ATP10A: variants seen among roughly 807,000 people sequenced by gnomAD.
The protein encoded by ATP10A is phospholipid-transporting ATPase VA.
In ATP10A, 111 loss-of-function variants were observed where a neutral mutation model predicts 147.8. That is an observed-to-expected ratio of 0.75 (90% confidence interval 0.64 to 0.88). The LOEUF is 0.88. Among genes scored for constraint, ATP10A ranks in the 40% least tolerant of loss-of-function variants. The pLI is 0.00. For missense variants in ATP10A, 1,927 were observed against 1,959.0 expected (o/e 0.98, Z 0.31); for synonymous variants, 875 against 841.6 (o/e 1.04, Z -0.69).
At chr15:25,813,738 T>C (rs1162933811) in intron 1 of ATP10A, among the ~76,000 whole-genome samples, 1 of 152,100 alleles carries the variant, frequency 6.6e-6, no homozygotes, top group Non-Finnish European at 1.5e-5. Context: ...AACTACAATG[T>C]CTCAGATGAA....
At chr15:25,727,994 C>T (rs923037706) in intron 3 of ATP10A, among the ~76,000 whole-genome samples, 8 of 152,152 alleles carry the variant, frequency 5.3e-5, no homozygotes, top group African/African-American at 7.2e-5. Context: ...GCCTCATAAC[C>T]GGAACTGTAG....
At chr15:25,826,611 A>G (rs1374377226) in intron 1 of ATP10A, among the ~76,000 whole-genome samples, 1 of 152,168 alleles carries the variant, frequency 6.6e-6, no homozygotes, top group East Asian at 1.9e-4. Flanking sequence ...CCTGGCCAAC[A>G]TGGTAAAACC....
In ATP10A at chr15:25,683,288, C is replaced by T. The variant is rs1445184868; in HGVS notation, c.3490G>A (p.Glu1164Lys). 6.2e-7 allele frequency: 1 copy of T among 1,613,420 alleles called. No individual in the cohort carries two copies. The highest frequency in any genetic ancestry group is 8.5e-7 in the Non-Finnish European group (1 of 1,179,968). The change falls in exon 17 of 21, where the codon GAG (glutamate) becomes AAG (lysine). Residue 1164 changes from glutamate (E) to lysine (K), a missense_variant and splice_region_variant. Physicochemically the swap from Glu to Lys is moderately conservative, Grantham distance 56. Transcript: ENST00000555815. Reference protein sequence around the residue: ...PQLYKSGQNMEEYRPRTFWFN... With the variant: ...PQLYKSGQNMKEYRPRTFWFN... ...GCGGAGACTCGGGGGAGCTTTACCT[C>T]CATGTTCTGGCCACTCTTGTAGAGC...
At chr15:25,804,216 G>C (rs1023095431) in intron 1 of ATP10A, among the ~76,000 whole-genome samples, 6 of 151,800 alleles carry the variant, frequency 4.0e-5, no homozygotes, top group African/African-American at 1.5e-4. Context: ...GTGTGCATCT[G>C]TGTGTGTGTC....
intron 1 of ATP10A, among the ~76,000 whole-genome samples, chr15:25,852,250 C>T (rs1379526214): frequency 2.6e-5 from 4 of 151,998 alleles, no homozygotes; most frequent in Non-Finnish European, 4.4e-5. Flanking sequence ...CATCCTCCCT[C>T]CTATTGAATG....
chr15:25,780,975 G>C, intron 2 of ATP10A, 44 bp downstream of exon 2: 1 of 1,593,372 alleles, frequency 6.3e-7, no homozygotes, highest in Middle Eastern at 2.2e-4. Context: ...GGGACACTGT[G>C]TGGCTGTAAT....
intron 1 of ATP10A, among the ~76,000 whole-genome samples, chr15:25,809,243 A>G (rs1352927046): frequency 6.6e-6 from 1 of 152,042 alleles, no homozygotes; most frequent in Admixed American, 6.5e-5. Context: ...GCCCTGCAGG[A>G]TGTCACATGA....
At chr15:25,859,182 T>C (rs1398402841) in intron 1 of ATP10A, among the ~76,000 whole-genome samples, 2 of 152,038 alleles carry the variant, frequency 1.3e-5, no homozygotes, top group African/African-American at 4.8e-5. Flanking sequence ...TCTCTTCCCC[T>C]CTCCTCCTCC....
chr15:25,769,442 G>T (rs1889216203), intron 2 of ATP10A, among the ~76,000 whole-genome samples: 1 of 131,086 alleles, frequency 7.6e-6, no homozygotes, highest in South Asian at 2.5e-4. Context: ...AGCCGAGATG[G>T]CACCACTGCA....
intron 1 of ATP10A, among the ~76,000 whole-genome samples, chr15:25,819,978 AC>A (rs1891811920): frequency 6.6e-6 from 1 of 152,168 alleles, no homozygotes; most frequent in African/African-American, 2.4e-5. Context: ...TGCATTATAT[AC>A]ATGTGGTAGA....
chr15:25,827,589 G>A lies in ATP10A; in HGVS notation c.449+35059C>T, dbSNP rs150673059. ...TGGTATTAATCTGACCTACATTGCT[G>A]GAAATTTAGATGCTAATTAAAACCC... On this transcript the variant is annotated intron_variant, in intron 1 of 20. Transcript: ENST00000555815. 3.9e-4 allele frequency among the ~76,000 whole-genome samples: 59 copies of A among 152,218 alleles called. No homozygotes were observed. The East Asian group carries it at 0.01, about 27-fold the overall frequency.
chr15:25,750,312 A>G (rs1007982758), intron 2 of ATP10A, among the ~76,000 whole-genome samples: 1 of 152,142 alleles, frequency 6.6e-6, no homozygotes, highest in Admixed American at 6.5e-5. Context: ...AGTGTAAAAT[A>G]CTGTCAACCT....
intron 2 of ATP10A, among the ~76,000 whole-genome samples, chr15:25,775,604 A>G (rs529623267): frequency 6.6e-6 from 1 of 152,350 alleles, no homozygotes; most frequent in African/African-American, 2.4e-5. Flanking sequence ...ACGTGCACAC[A>G]TGTGCACACG....
At chr15:25,718,420 G>T in intron 7 of ATP10A, 21 bp from the exon 8 acceptor site, 3 of 1,569,726 alleles carry the variant, frequency 1.9e-6, no homozygotes, top group Non-Finnish European at 2.6e-6. Context: ...AGGGCGCAGG[G>T]TGAGGCATCA....
intron 1 of ATP10A, among the ~76,000 whole-genome samples, chr15:25,820,616 A>G (rs573077613): frequency 7.2e-5 from 11 of 152,334 alleles, no homozygotes; most frequent in Admixed American, 5.9e-4. Context: ...TGTTCGGCAT[A>G]GTGTGCAAGA....
intron 17 of ATP10A, among the ~76,000 whole-genome samples, chr15:25,682,270 C>T (rs946938076): frequency 3.9e-5 from 6 of 151,948 alleles, no homozygotes; most frequent in Admixed American, 6.6e-5. Flanking sequence ...TAAAATTACA[C>T]GATGGATGTG....
chr15:25,837,326 A>G (rs1165108882), intron 1 of ATP10A, among the ~76,000 whole-genome samples: 1 of 152,212 alleles, frequency 6.6e-6, no homozygotes, highest in Non-Finnish European at 1.5e-5. Flanking sequence ...ACACAATTCA[A>G]TACTATGCAG....
intron 1 of ATP10A, among the ~76,000 whole-genome samples, chr15:25,826,437 C>T (rs568064857): frequency 1.3e-5 from 2 of 152,206 alleles, no homozygotes; most frequent in East Asian, 3.9e-4. Context: ...GAAGGTGCAC[C>T]TGTAGTCCCA....
Position 25,680,279 on chromosome 15 carries a change from G to A in ATP10A, c.3708C>T (p.Phe1236=). ...CCACGGTGAAAAACAAAAGGACACT[G>A]AAGCCACACGTTATCCAGTTGAGCC... The part of the protein sequence containing the change: ...WTWLNWITCG[F]SVLLFFTVAL... The change falls in exon 20 of 21, where the codon TTC becomes TTT. Residue 1236 remains phenylalanine, a synonymous_variant. Transcript: ENST00000555815. The A allele has an allele frequency of 3.1e-6, 5 of 1,614,196 alleles. No homozygotes were observed. The South Asian group carries it at 5.5e-5, about 18-fold the overall frequency.
Sources: gnomAD v4.1 joint callset for allele counts (sites outside exome capture counted in the v4.1 genomes callset) on GRCh38, gnomAD v4.1.1 for gene constraint, MANE v1.5 for transcripts, NCBI Gene and HGNC (gene_info 2026-07-23, HGNC 2026-07-21) for gene names.